NDST4: variants seen among roughly 807,000 people sequenced by gnomAD.
The protein encoded by NDST4 is N-heparan sulfate sulfotransferase 4.
In NDST4, 63 loss-of-function variants were observed where a neutral mutation model predicts 100.8. That is an observed-to-expected ratio of 0.62 (90% CI 0.51 to 0.77). NDST4 has a LOEUF of 0.77. Ranked by LOEUF, NDST4 falls within the 30% of genes least tolerant of loss-of-function variation. NDST4 has a pLI of 0.00. For synonymous variants in NDST4, 377 were observed against 361.8 expected (o/e 1.04, Z -0.48); for missense variants, 943 against 1,018.4 (o/e 0.93, Z 1.01).
intron 6 of NDST4, among the ~76,000 whole-genome samples, chr4:114,894,642 T>G (rs1016431505): frequency 1.3e-5 from 2 of 152,180 alleles, no homozygotes; most frequent in Admixed American, 6.6e-5. Flanking sequence ...ACTTTTGGGC[T>G]GAGATGATGA....
chr4:115,057,258 G>C (rs1299998041), intron 2 of NDST4, among the ~76,000 whole-genome samples: 1 of 152,058 alleles, frequency 6.6e-6, no homozygotes, highest in Non-Finnish European at 1.5e-5. Flanking sequence ...TAAACAAAGA[G>C]GTTTTGAATT....
At chr4:115,056,402 T>C (rs1360398201) in intron 2 of NDST4, among the ~76,000 whole-genome samples, 1 of 152,114 alleles carries the variant, frequency 6.6e-6, no homozygotes. Context: ...GGCTCCAAAA[T>C]TACTTGTAAT....
At chr4:115,020,247 A>C (rs542782764) in intron 2 of NDST4, among the ~76,000 whole-genome samples, 7 of 152,232 alleles carry the variant, frequency 4.6e-5, no homozygotes, top group Admixed American at 1.3e-4. Context: ...TGGACTGTGA[A>C]GTCCAATCAA....
chr4:114,876,905 A>G (rs1724265456), intron 6 of NDST4, among the ~76,000 whole-genome samples: 1 of 152,194 alleles, frequency 6.6e-6, no homozygotes, highest in Admixed American at 6.5e-5. Flanking sequence ...CTAAGAAACT[A>G]TCTTATTTAT....
At chr4:115,012,163 A>G (rs1445389690) in intron 2 of NDST4, among the ~76,000 whole-genome samples, 1 of 152,022 alleles carries the variant, frequency 6.6e-6, no homozygotes, top group Non-Finnish European at 1.5e-5. Context: ...GATTCCAAGA[A>G]TCAATGATCC....
chr4:115,049,949 G>C (rs956370623), intron 2 of NDST4, among the ~76,000 whole-genome samples: 6 of 152,084 alleles, frequency 3.9e-5, no homozygotes, highest in Non-Finnish European at 7.4e-5. Context: ...TACAGATGAA[G>C]ACCTAGCAAT....
intron 4 of NDST4, among the ~76,000 whole-genome samples, chr4:114,961,066 G>C (rs116826918): frequency 6.6e-6 from 1 of 152,028 alleles, no homozygotes; most frequent in East Asian, 1.9e-4. Context: ...AATTGAAAAA[G>C]ATTCTGAGAA....
chr4:114,983,628 C>T (rs1208816496), intron 2 of NDST4, among the ~76,000 whole-genome samples: 1 of 152,122 alleles, frequency 6.6e-6, no homozygotes, highest in Non-Finnish European at 1.5e-5. Flanking sequence ...TACTTTGTCT[C>T]AGATGAGAAT....
At chr4:114,874,223 C>T (rs1724210346) in intron 6 of NDST4, among the ~76,000 whole-genome samples, 1 of 151,986 alleles carries the variant, frequency 6.6e-6, no homozygotes, top group African/African-American at 2.4e-5. Flanking sequence ...TGTATATTAT[C>T]ATTTTATAAG....
intron 2 of NDST4, among the ~76,000 whole-genome samples, chr4:114,986,785 C>T (rs1726911246): frequency 1.2e-5 from 1 of 80,890 alleles, no homozygotes; most frequent in Non-Finnish European, 2.3e-5. Flanking sequence ...GCCTGGTATC[C>T]AATTATACAT....
intron 2 of NDST4, among the ~76,000 whole-genome samples, chr4:115,058,387 T>G (rs1429016766): frequency 6.6e-6 from 1 of 152,172 alleles, no homozygotes; most frequent in Non-Finnish European, 1.5e-5. Context: ...TGACAATTTT[T>G]GTAATGGGTT....
chr4:115,106,075 C>T (rs1265206630), intron 1 of NDST4, among the ~76,000 whole-genome samples: 2 of 152,008 alleles, frequency 1.3e-5, no homozygotes, highest in African/African-American at 4.8e-5. Context: ...ACACACACAG[C>T]AATTACATCA....
intron 2 of NDST4, among the ~76,000 whole-genome samples, chr4:115,058,378 G>C (rs1728747133): frequency 6.6e-6 from 1 of 152,122 alleles, no homozygotes; most frequent in Admixed American, 6.6e-5. Flanking sequence ...CAGCAGATCT[G>C]ACAATTTTTG....
intron 2 of NDST4, among the ~76,000 whole-genome samples, chr4:115,029,732 A>G (rs958317347): frequency 6.6e-6 from 1 of 152,134 alleles, no homozygotes; most frequent in Non-Finnish European, 1.5e-5. Context: ...GAGGCACAGT[A>G]AAGCAGGAGG....
In NDST4 at chr4:115,078,808, C is replaced by G. The variant is rs144632502; in HGVS notation, c.-246-1526G>C. ...TGAGCTGAGATTGTGCCACTGCACTCCAGCCTGGGCAATAGAGCAAAACTC... is the reference window on the plus strand; with the variant it reads ...TGAGCTGAGATTGTGCCACTGCACTGCAGCCTGGGCAATAGAGCAAAACTC... On this transcript the variant is annotated intron_variant, in intron 1 of 13. Coordinates refer to ENST00000264363, the MANE Select transcript of NDST4 (RefSeq NM_022569.3). Among the ~76,000 whole-genome samples, 534 of 152,110 alleles carry G rather than the reference C, an allele frequency of 3.5e-3. 3 individuals carry two copies. Among genetic ancestry groups the G allele is most frequent in the African/African-American group, 0.012 (508 of 41,482 alleles).
intron 6 of NDST4, among the ~76,000 whole-genome samples, chr4:114,931,538 GA>G (rs1725514188): frequency 6.6e-6 from 1 of 151,252 alleles, no homozygotes; most frequent in Non-Finnish European, 1.5e-5. Context: ...ATAGAGATTA[GA>G]AAAATAGAAA....
intron 2 of NDST4, among the ~76,000 whole-genome samples, chr4:115,011,802 G>T (rs542441179): frequency 6.6e-6 from 1 of 151,998 alleles, no homozygotes; most frequent in Admixed American, 6.6e-5. Context: ...AACAGGAACA[G>T]AAATGAAAGC....
chr4:114,915,882 G>T (rs146079417), intron 6 of NDST4, among the ~76,000 whole-genome samples: 44 of 151,956 alleles, frequency 2.9e-4, no homozygotes, highest in African/African-American at 1.0e-3. Flanking sequence ...AAAAAAAGAA[G>T]GGTAAAAAGA....
intron 2 of NDST4, among the ~76,000 whole-genome samples, chr4:115,058,825 T>G (rs1728755259): frequency 6.6e-6 from 1 of 152,114 alleles, no homozygotes; most frequent in African/African-American, 2.4e-5. Flanking sequence ...TTTATTATTT[T>G]TTAAAAGGTA....
Sources: allele counts gnomAD v4.1 joint callset (sites outside exome capture counted in the v4.1 genomes callset), GRCh38; gene constraint gnomAD v4.1.1; transcripts MANE v1.5; gene names NCBI Gene and HGNC (gene_info 2026-07-23, HGNC 2026-07-21).